The following ST6GALNAC6 variants were observed in gnomAD, a reference collection of about 807,000 sequenced individuals.
ST6GALNAC6 encodes alpha-N-acetylgalactosaminide alpha-2,6-sialyltransferase 6.
In ST6GALNAC6, 19 loss-of-function variants were observed where a neutral mutation model predicts 34.3. That is an observed-to-expected ratio of 0.55 (90% CI 0.39 to 0.81). The LOEUF (loss-of-function observed/expected upper bound fraction) is 0.81. Ranked by LOEUF, ST6GALNAC6 falls within the 40% of genes least tolerant of loss-of-function variation. The pLI is 0.00. For missense variants in ST6GALNAC6, 377 were observed against 467.7 expected (o/e 0.81, Z 1.79); for synonymous variants, 185 against 182.1 (o/e 1.02, Z -0.13).
Position 127,886,588 on chromosome 9 carries a change from G to A in ST6GALNAC6, c.*11C>T, listed in dbSNP as rs1426428882. On this transcript the variant is annotated 3_prime_UTR_variant, in exon 7 of 7. Transcript: ENST00000373146. ...CCTCTGACCCTCCTGAGGTCCCACA[G>A]GCTGGGTGGCCTAGGTCCAGGAGGG... 1.9e-6 allele frequency: 3 copies of A among 1,613,680 alleles called. No homozygotes were observed. Among genetic ancestry groups the A allele is most frequent in the East Asian group, 2.2e-5 (1 of 44,870 alleles).
intron 4 of ST6GALNAC6, among the ~76,000 whole-genome samples, chr9:127,891,510 G>A (rs764908625): frequency 3.3e-5 from 5 of 151,280 alleles, no homozygotes; most frequent in Admixed American, 1.3e-4. Flanking sequence ...ACAGCTACTC[G>A]GGAGACTAAG....
chr9:127,894,285 T>C (rs1830962712), intron 4 of ST6GALNAC6, among the ~76,000 whole-genome samples: 2 of 152,174 alleles, frequency 1.3e-5, no homozygotes, highest in Admixed American at 6.6e-5. Context: ...AAAAGGATTC[T>C]GATTCAGGAG....
Position 127,896,752 on chromosome 9 carries a change from C to A in ST6GALNAC6, c.27-420G>T, listed in dbSNP as rs535711308. ...CTGCTCTGGCTCTCTCTCAGGTTGG[C>A]CTGGAACGCCCTCCCTCCTATGGCC... On this transcript the variant is annotated intron_variant, in intron 2 of 6. Transcript: ENST00000373146. The A allele has an allele frequency of 5.6e-5, 32 of 571,098 alleles. No individual in the cohort carries two copies. In the African/African-American group the frequency reaches 6.1e-4, roughly 11 times the overall value. 35.4% of individuals were successfully genotyped at this position (571,098 alleles called of 1,614,324 possible).
upstream of ST6GALNAC6, among the ~76,000 whole-genome samples, chr9:127,905,614 G>A (rs1830897537): frequency 6.6e-6 from 1 of 152,174 alleles, no homozygotes; most frequent in African/African-American, 2.4e-5. Context: ...AATGGGGCAG[G>A]GGCTTCCTGC....
At chr9:127,905,912 A>G, upstream of ST6GALNAC6, 1 of 984,526 alleles carries the variant, frequency 1.0e-6, no homozygotes, top group South Asian at 4.7e-5. Flanking sequence ...ACCTCCGCCT[A>G]CCAGACTCCA....
At chr9:127,893,562 T>A (rs1249921667) in intron 4 of ST6GALNAC6, among the ~76,000 whole-genome samples, 1 of 152,142 alleles carries the variant, frequency 6.6e-6, no homozygotes, top group Admixed American at 6.5e-5. Context: ...CAGCAACACA[T>A]CCCACGTACC....
chr9:127,901,791 G>T (rs1404973079), upstream of ST6GALNAC6, among the ~76,000 whole-genome samples: 1 of 151,994 alleles, frequency 6.6e-6, no homozygotes, highest in Non-Finnish European at 1.5e-5. Context: ...AAATTAGCCA[G>T]GTGTGGTGGT....
At position 127,894,494 on chromosome 9, in the gene ST6GALNAC6, C is replaced by A; in HGVS notation, c.297+18G>T. 6.2e-7 allele frequency: 1 copy of A among 1,612,588 alleles called. No homozygotes were observed. Among genetic ancestry groups the A allele is most frequent in the South Asian group, 1.1e-5 (1 of 90,982 alleles). On this transcript the variant is annotated intron_variant, in intron 4 of 6. Coordinates refer to ENST00000373146, the MANE Select transcript of ST6GALNAC6 (RefSeq NM_013443.5). ...ATGCTGGGCAGTAGGGAGGAGCTCC[C>A]CAAAGCAGCTGCGCTACCTTGTTGC...
Position 127,890,862 on chromosome 9 carries a change from C to A in ST6GALNAC6, c.479G>T (p.Ser160Ile). The change falls in exon 5 of 7, where the codon AGT becomes ATT. Residue 160 changes from serine to isoleucine, a missense_variant. Physicochemically the swap from Ser to Ile is moderately radical, Grantham distance 142. Coordinates refer to ENST00000373146, the MANE Select transcript of ST6GALNAC6 (RefSeq NM_013443.5). This position sits in a 1 kb window ranked among gnomAD's most constrained non-coding sequence, Gnocchi z 4.3. ...GGGCCTCCTCAGCACGCGGAACACA[C>A]TGGAATGGGCCACGACGCGGTAGGT... Reference protein sequence around the residue: ...KTTYRVVAHSSVFRVLRRPQE... With the variant: ...KTTYRVVAHSIVFRVLRRPQE... The A allele has an allele frequency of 6.2e-7, 1 of 1,614,220 alleles. No individual in the cohort carries two copies. The highest frequency in any genetic ancestry group is 8.5e-7 in the Non-Finnish European group (1 of 1,180,050).
chr9:127,892,372 C>G (rs1329905902), intron 4 of ST6GALNAC6, among the ~76,000 whole-genome samples: 4 of 152,188 alleles, frequency 2.6e-5, no homozygotes, highest in Non-Finnish European at 5.9e-5. Context: ...CTAAAACTGA[C>G]TTTGTAAAGT....
At chr9:127,898,106 C>T in intron 1 of ST6GALNAC6, 96 bp from the exon 2 acceptor site, 1 of 726,812 alleles carries the variant, frequency 1.4e-6, no homozygotes, top group Non-Finnish European at 2.4e-6. Context: ...GAAAGTGCTC[C>T]CACATTGGCC....
chr9:127,899,046 C>G (rs1048213653), intron 1 of ST6GALNAC6, among the ~76,000 whole-genome samples: 7 of 152,216 alleles, frequency 4.6e-5, no homozygotes, highest in African/African-American at 1.4e-4. Flanking sequence ...CGGGAGTCCT[C>G]CCGCAGATCG....
intron 4 of ST6GALNAC6, 87 bp downstream of exon 4, chr9:127,894,425 G>T: frequency 1.3e-6 from 2 of 1,508,370 alleles, no homozygotes; most frequent in Non-Finnish European, 1.8e-6. Context: ...TTGACTCTCA[G>T]GGTCCACCTT....
At chr9:127,891,434 G>A (rs1830129612) in intron 4 of ST6GALNAC6, among the ~76,000 whole-genome samples, 1 of 151,720 alleles carries the variant, frequency 6.6e-6, no homozygotes, top group Non-Finnish European at 1.5e-5. Flanking sequence ...TGGCCAATAT[G>A]GTGAAATCCC....
At chr9:127,887,280 T>C (rs1829832047) in intron 6 of ST6GALNAC6, among the ~76,000 whole-genome samples, 2 of 152,142 alleles carry the variant, frequency 1.3e-5, no homozygotes, top group African/African-American at 4.8e-5. Flanking sequence ...CTAATAGTTA[T>C]TATTAATAAA....
chr9:127,887,613 G>T, intron 5 of ST6GALNAC6, 22 bp from the exon 6 acceptor site: 1 of 1,582,210 alleles, frequency 6.3e-7, no homozygotes, highest in Non-Finnish European at 8.6e-7. Flanking sequence ...GAGGGGTCAC[G>T]ATGAGGGCAC....
In ST6GALNAC6 at chr9:127,890,328, T is replaced by C. The variant is rs187757208; in HGVS notation, c.704+309A>G. Among the ~76,000 whole-genome samples the C allele has an allele frequency of 3.3e-5, 5 of 152,166 alleles. No individual in the cohort carries two copies. The East Asian group carries it at 9.7e-4, about 29-fold the overall frequency. On this transcript the variant is annotated intron_variant, in intron 5 of 6. Coordinates refer to ENST00000373146, the MANE Select transcript of ST6GALNAC6 (RefSeq NM_013443.5). This position sits in a 1 kb window ranked among gnomAD's most constrained non-coding sequence, Gnocchi z 4.3. Reference sequence around the variant, plus strand: ...TTGGGTACACTATGGGGAGCTTCTCTCAGAAAGATGCTAGGACTGACTGTG... The same window carrying C: ...TTGGGTACACTATGGGGAGCTTCTCCCAGAAAGATGCTAGGACTGACTGTG...
intron 6 of ST6GALNAC6, 53 bp from the exon 7 acceptor site, chr9:127,886,841 C>G: frequency 6.6e-7 from 1 of 1,518,096 alleles, no homozygotes; most frequent in Non-Finnish European, 8.8e-7. Context: ...TGGCAGGGTC[C>G]TTGCCCTTTC....
intron 2 of ST6GALNAC6, chr9:127,897,145 ACACCCCAAT>A (rs1588655681): frequency 5.1e-6 from 5 of 983,298 alleles, no homozygotes; most frequent in Non-Finnish European, 6.0e-6. Flanking sequence ...TCTGCTCCGC[ACACCCCAAT>A]CTCTTCCTCT....
Sources: gnomAD v4.1 joint callset for allele counts (sites outside exome capture counted in the v4.1 genomes callset) on GRCh38, gnomAD v4.1.1 for gene constraint, Gnocchi (gnomAD v3.1) non-coding constraint, MANE v1.5 for transcripts, NCBI Gene and HGNC (gene_info 2026-07-23, HGNC 2026-07-21) for gene names.